Variants in ZNF682 observed in about 807,000 individuals in gnomAD.
ZNF682 encodes zinc finger protein 682.
In ZNF682, 29 loss-of-function variants were observed where a neutral mutation model predicts 36.5. The observed-to-expected ratio is 0.80, with a 90% confidence interval of 0.59 to 1.08. The LOEUF (loss-of-function observed/expected upper bound fraction) is 1.08. Ranked by LOEUF, ZNF682 falls within the 50% of genes least tolerant of loss-of-function variation. The probability of loss-of-function intolerance (pLI) is 0.00; values close to 1 mark genes in which losing one functional copy is unlikely to be tolerated. For missense variants in ZNF682, 561 were observed against 579.7 expected (o/e 0.97, Z 0.33); for synonymous variants, 180 against 197.0 (o/e 0.91, Z 0.72).
At chr19:20,039,322 T>A in intron 1 of ZNF682, 21 bp downstream of exon 1, 1 of 1,612,158 alleles carries the variant, frequency 6.2e-7, no homozygotes, top group African/African-American at 1.3e-5. Context: ...CACCTCGGGA[T>A]GCGCGGCCTG....
At chr19:20,000,172 C>G (rs1288203915), downstream of ZNF682, among the ~76,000 whole-genome samples, 2 of 152,102 alleles carry the variant, frequency 1.3e-5, no homozygotes, top group African/African-American at 4.8e-5. Context: ...AGAAGGGGCC[C>G]AGTGGAAGGA....
chr19:19,998,113 T>C (rs1346035052), intron 3 of ZNF682, among the ~76,000 whole-genome samples: 1 of 152,194 alleles, frequency 6.6e-6, no homozygotes, highest in Non-Finnish European at 1.5e-5. Flanking sequence ...GATTGAATCA[T>C]ACCTGCACCG....
In ZNF682 at chr19:20,007,189, T is replaced by C; in HGVS notation, c.313A>G (p.Ser105Gly). 6.2e-7 allele frequency: 1 copy of C among 1,613,752 alleles called. No individual in the cohort carries two copies. Among genetic ancestry groups the C allele is most frequent in the Non-Finnish European group, 8.5e-7 (1 of 1,179,988 alleles). The change falls in exon 4 of 4, where the codon AGC becomes GGC. Residue 105 changes from serine to glycine, a missense_variant. By Grantham distance (56) the Ser-to-Gly change is moderately conservative. Coordinates refer to ENST00000397165, the MANE Select transcript of ZNF682 (RefSeq NM_033196.3). ...FQKVILRRYG[S>G]CGLEDLHLRK... ...AAGTGTAAATCCTCAAGTCCACAGC[T>C]TCCATATCTTCTCAGTATCACTTTT...
chr19:20,035,261 T>G (rs2088518416), intron 1 of ZNF682, among the ~76,000 whole-genome samples: 1 of 152,174 alleles, frequency 6.6e-6, no homozygotes, highest in Non-Finnish European at 1.5e-5. Context: ...GTTTTGCTCT[T>G]GTTGCCACGG....
chr19:20,038,187 T>C (rs1421480998), intron 1 of ZNF682, among the ~76,000 whole-genome samples: 1 of 152,054 alleles, frequency 6.6e-6, no homozygotes, highest in East Asian at 1.9e-4. Context: ...TAAAGGGAGA[T>C]TGGCACAAAG....
intron 1 of ZNF682, among the ~76,000 whole-genome samples, chr19:20,025,686 G>GAA (rs77612304): frequency 2.8e-4 from 32 of 115,764 alleles, no homozygotes; most frequent in Non-Finnish European, 4.4e-4. Context: ...CAAAAAAAAA[G>GAA]AAAAAAAAAA....
At chr19:20,003,987 C>T (rs1030132588), downstream of ZNF682, among the ~76,000 whole-genome samples, 1 of 152,128 alleles carries the variant, frequency 6.6e-6, no homozygotes, top group Non-Finnish European at 1.5e-5. Context: ...TTCATAATTC[C>T]CTTACACTTT....
At chr19:20,032,001 AT>A (rs2088483987) in intron 1 of ZNF682, among the ~76,000 whole-genome samples, 1 of 152,182 alleles carries the variant, frequency 6.6e-6, no homozygotes, top group South Asian at 2.1e-4. Context: ...GTGTGGCATT[AT>A]TAGATTAATT....
rs1415884100 is a variant in ZNF682 at position 20,004,857 on chromosome 19, T to C, written c.*1148A>G. 6.6e-6 allele frequency: 1 copy of C among 152,138 alleles called. No homozygotes were observed. The highest frequency in any genetic ancestry group is 1.5e-5 in the Non-Finnish European group (1 of 68,020). 9.4% of individuals were successfully genotyped at this position (152,138 alleles called of 1,614,324 possible). A position where few individuals can be genotyped will look rare whatever the true frequency, so the allele number is the denominator to read the frequency against. On this transcript the variant is annotated 3_prime_UTR_variant, in exon 4 of 4. Coordinates refer to ENST00000397165, the MANE Select transcript of ZNF682 (RefSeq NM_033196.3). ...TGCAAAAAGTGTACTTTGAATATAA[T>C]TGTTTAAGTCTCAAAATATTAATCT...
At chr19:20,003,536 C>G (rs1388704431), downstream of ZNF682, among the ~76,000 whole-genome samples, 1 of 151,682 alleles carries the variant, frequency 6.6e-6, no homozygotes, top group Non-Finnish European at 1.5e-5. Context: ...AACCCCGTCT[C>G]TACTAAAAAT....
chr19:20,019,359 A>G (rs537543032), intron 3 of ZNF682, among the ~76,000 whole-genome samples: 1 of 152,322 alleles, frequency 6.6e-6, no homozygotes, highest in Non-Finnish European at 1.5e-5. Context: ...AATATTAAAA[A>G]TGGAATTACT....
At chr19:20,016,594 GA>G (rs1441981940) in intron 3 of ZNF682, among the ~76,000 whole-genome samples, 1 of 152,000 alleles carries the variant, frequency 6.6e-6, no homozygotes, top group African/African-American at 2.4e-5. Context: ...ATAACTTAAT[GA>G]GGTAATAGAT....
chr19:20,031,760 G>T (rs2122384815), intron 1 of ZNF682, among the ~76,000 whole-genome samples: 1 of 152,268 alleles, frequency 6.6e-6, no homozygotes, highest in East Asian at 1.9e-4. Context: ...GGCTAATACA[G>T]TGAAACCCCA....
At chr19:20,038,021 G>A (rs1255353917) in intron 1 of ZNF682, among the ~76,000 whole-genome samples, 14 of 152,288 alleles carry the variant, frequency 9.2e-5, no homozygotes, top group Admixed American at 5.9e-4. Flanking sequence ...AGGAGACACA[G>A]CCACTGTGGG....
rs761934023 is a variant in ZNF682, at chr19:20,039,434, G to C, written c.-89C>G. The C allele has an allele frequency of 1.9e-6, 3 of 1,570,552 alleles. No individual in the cohort carries two copies. The highest frequency in any genetic ancestry group is 3.4e-5 in the Admixed American group (2 of 59,548). On this transcript the variant is annotated 5_prime_UTR_variant, in exon 1 of 4. Coordinates refer to ENST00000397165, the MANE Select transcript of ZNF682 (RefSeq NM_033196.3). ...GGCAACAGAGGCTGCGACAGTCACC[G>C]GGAACTACTAGAGCAGAGGATACTA...
chr19:20,031,037 G>C (rs772427419), intron 1 of ZNF682: 3 of 152,254 alleles, frequency 2.0e-5, no homozygotes, highest in African/African-American at 2.4e-5. Flanking sequence ...AGACTCTCAG[G>C]TGCTGGGAAG....
At position 20,005,132 on chromosome 19, in the gene ZNF682, T is replaced by C. The variant is rs1027675064; in HGVS notation, c.*873A>G. 6.6e-6 allele frequency: 1 copy of C among 152,308 alleles called. No individual in the cohort carries two copies. Among genetic ancestry groups the C allele is most frequent in the South Asian group, 2.1e-4 (1 of 4,824 alleles). 9.4% of individuals were successfully genotyped at this position (152,308 alleles called of 1,614,324 possible). On this transcript the variant is annotated 3_prime_UTR_variant, in exon 4 of 4. Coordinates refer to ENST00000397165, the MANE Select transcript of ZNF682 (RefSeq NM_033196.3). Reference sequence around the variant, plus strand: ...CTCTGTCGCCCAGGTTGGAGTTCAGTGGCGCGATCTCGGCTCACTGCAAGC... The same window carrying C: ...CTCTGTCGCCCAGGTTGGAGTTCAGCGGCGCGATCTCGGCTCACTGCAAGC...
rs1350875377 is a variant in ZNF682 at position 20,024,561 on chromosome 19, G to A, written c.4-185C>T. ...AAAGAAAACAGAATCCATGTGGCCA[G>A]GTTCGGTGGCTCACGCCTGTAATCC... On this transcript the variant is annotated intron_variant, in intron 1 of 3. Transcript: ENST00000397165. The A allele has an allele frequency of 1.7e-5, 12 of 712,088 alleles. No individual in the cohort carries two copies. The African/African-American group carries it at 2.0e-4, about 12-fold the overall frequency. The allele number at this position is 712,088 out of a possible 1,614,324, so 44.1% of individuals were successfully genotyped here. A position where few individuals can be genotyped will look rare whatever the true frequency, so the allele number is the denominator to read the frequency against.
chr19:19,997,719 G>A (rs2088136575), intron 3 of ZNF682, among the ~76,000 whole-genome samples: 1 of 152,212 alleles, frequency 6.6e-6, no homozygotes, highest in South Asian at 2.1e-4. Flanking sequence ...GGCTTCCAAG[G>A]TTACTCTTAT....
Sources: gnomAD v4.1 joint callset for allele counts (sites outside exome capture counted in the v4.1 genomes callset) on GRCh38, gnomAD v4.1.1 for gene constraint, MANE v1.5 for transcripts, NCBI Gene and HGNC (gene_info 2026-07-23, HGNC 2026-07-21) for gene names.